CCPG1: variants seen among roughly 807,000 people sequenced by gnomAD.
CCPG1 encodes cell cycle progression protein 1.
CCPG1 carries 46 observed loss-of-function variants against 81.3 expected under a neutral mutation model. The observed-to-expected ratio is 0.57, with a 90% CI of 0.45 to 0.72. The LOEUF is 0.72. Ranked by LOEUF, CCPG1 falls within the 30% of genes least tolerant of loss-of-function variation. CCPG1 has a pLI of 0.00. For missense variants in CCPG1, 902 were observed against 937.6 expected (o/e 0.96, Z 0.50); for synonymous variants, 330 against 305.2 (o/e 1.08, Z -0.85).
chr15:55,360,618 TTC>T lies in CCPG1; in HGVS notation c.1153_1154del (p.Glu385ThrfsTer21). ...TAGTTACTAGTCGTTCTCTCTCCAGTTCTCTCTTTAGCATCTTTGCTTCTGTC... is the reference window on the plus strand; with the variant it reads ...TAGTTACTAGTCGTTCTCTCTCCAGTTCTCTTTAGCATCTTTGCTTCTGTC... ...LLTEAKMLKR[E>X]LERERLVTTA... On this transcript the variant is annotated frameshift_variant, in exon 8 of 9. Coordinates refer to ENST00000442196, the MANE Select transcript of CCPG1 (RefSeq NM_001204450.2). LOFTEE classifies it high-confidence loss of function. 6.2e-7 allele frequency: 1 copy of T among 1,614,126 alleles called. No individual in the cohort carries two copies. The highest frequency in any genetic ancestry group is 8.5e-7 in the Non-Finnish European group (1 of 1,180,012).
At chr15:55,396,798 G>C (rs945974474) in intron 1 of CCPG1, among the ~76,000 whole-genome samples, 3 of 152,190 alleles carry the variant, frequency 2.0e-5, no homozygotes, top group African/African-American at 7.2e-5. Flanking sequence ...CAGTTAACTG[G>C]AGGAAGAGCA....
intron 1 of CCPG1, among the ~76,000 whole-genome samples, chr15:55,391,837 T>G (rs2056919658): frequency 8.0e-6 from 1 of 125,060 alleles, no homozygotes; most frequent in Non-Finnish European, 1.6e-5. Flanking sequence ...GCCATTGCAC[T>G]CCAGACTGGG....
chr15:55,363,508 T>C (rs939482041), intron 7 of CCPG1, among the ~76,000 whole-genome samples: 3 of 150,490 alleles, frequency 2.0e-5, no homozygotes, highest in Non-Finnish European at 3.0e-5. Context: ...CTAATACAGG[T>C]AGGAAAAACT....
chr15:55,369,172 G>A (rs1256917658), intron 6 of CCPG1, among the ~76,000 whole-genome samples: 1 of 151,620 alleles, frequency 6.6e-6, no homozygotes, highest in Non-Finnish European at 1.5e-5. Flanking sequence ...CGACTTTACG[G>A]TGAATAGAAA....
chr15:55,357,017 TCCCCA>T lies in CCPG1; in HGVS notation c.2235-613_2235-609del, dbSNP rs1271760489. On this transcript the variant is annotated intron_variant, in intron 8 of 8. Coordinates refer to ENST00000442196, the MANE Select transcript of CCPG1 (RefSeq NM_001204450.2). ...GGCTTTTGGATTTTCAAGGTACCAC[TCCCCA>T]CTCCTGTCCTTAGCCTTCCCTACAA... The T allele has an allele frequency of 3.3e-4, 325 of 985,474 alleles. 6 individuals carry two copies. In the Admixed American group the frequency reaches 0.019, roughly 58 times the overall value. 61.0% of individuals were successfully genotyped at this position (985,474 alleles called of 1,614,324 possible). A position where few individuals can be genotyped will look rare whatever the true frequency, so the allele number is the denominator to read the frequency against.
chr15:55,366,485 G>A (rs1007375181), intron 6 of CCPG1, among the ~76,000 whole-genome samples: 1 of 151,956 alleles, frequency 6.6e-6, no homozygotes, highest in Admixed American at 6.6e-5. Flanking sequence ...AGTGATAAAA[G>A]AATTGGACAG....
At chr15:55,377,522 G>C (rs1173442900) in intron 4 of CCPG1, among the ~76,000 whole-genome samples, 2 of 152,208 alleles carry the variant, frequency 1.3e-5, no homozygotes, top group Non-Finnish European at 2.9e-5. Flanking sequence ...GAACTTTTTA[G>C]GTTATGTACG....
At chr15:55,379,547 G>A (rs1481646997) in intron 3 of CCPG1, among the ~76,000 whole-genome samples, 5 of 151,832 alleles carry the variant, frequency 3.3e-5, no homozygotes, top group African/African-American at 7.3e-5. Flanking sequence ...CAGAGAGAGG[G>A]CAGTCCAGGC....
At chr15:55,369,813 T>G (rs988336319) in intron 6 of CCPG1, among the ~76,000 whole-genome samples, 7 of 152,166 alleles carry the variant, frequency 4.6e-5, no homozygotes, top group African/African-American at 1.2e-4. Flanking sequence ...CTACAAAATA[T>G]TCAAAGGTCA....
intron 6 of CCPG1, among the ~76,000 whole-genome samples, chr15:55,371,183 C>T (rs564969864): frequency 6.6e-6 from 1 of 152,272 alleles, no homozygotes; most frequent in South Asian, 2.1e-4. Flanking sequence ...AATAGAATAC[C>T]TTCCTCTTCT....
rs930221296 is a variant in CCPG1 at position 55,366,308 on chromosome 15, A to T, written c.707-999T>A. On this transcript the variant is annotated intron_variant, in intron 6 of 8. Coordinates refer to ENST00000442196, the MANE Select transcript of CCPG1 (RefSeq NM_001204450.2). ...CGTAAGTCAATAAGGAAAAATGAAA[A>T]TTTTTTTTTTTTTTAATATTTTGCC... is the stretch of plus-strand genomic sequence containing the variant. 6.8e-5 allele frequency among the ~76,000 whole-genome samples: 10 copies of T among 147,896 alleles called. No homozygotes were observed. In the East Asian group the frequency reaches 7.9e-4, roughly 12 times the overall value.
intron 1 of CCPG1, among the ~76,000 whole-genome samples, chr15:55,399,417 C>CAAAAAAAAAAAAAAAA (rs56191750): frequency 7.9e-5 from 5 of 63,114 alleles, no homozygotes; most frequent in African/African-American, 2.4e-4. Context: ...ACTAAAAATA[C>CAAAAAAAAAAAAAAAA]AAAAAAAAAA....
intron 6 of CCPG1, among the ~76,000 whole-genome samples, chr15:55,369,963 T>C (rs576114618): frequency 6.6e-6 from 1 of 152,282 alleles, no homozygotes; most frequent in Non-Finnish European, 1.5e-5. Context: ...AAAATCATAC[T>C]CAAATACTTA....
chr15:55,398,835 C>A (rs2057072460), intron 1 of CCPG1, among the ~76,000 whole-genome samples: 1 of 152,148 alleles, frequency 6.6e-6, no homozygotes, highest in Non-Finnish European at 1.5e-5. Flanking sequence ...CTGCCTTGGC[C>A]TCCCAAAGTG....
intron 1 of CCPG1, among the ~76,000 whole-genome samples, chr15:55,400,396 T>TACGA (rs756479017): frequency 4.3e-4 from 65 of 151,636 alleles, no homozygotes; most frequent in Non-Finnish European, 8.7e-4. Flanking sequence ...TAATCCCAGC[T>TACGA]ACTTGGGAGG....
chr15:55,384,702 T>C (rs1419219815), intron 3 of CCPG1, among the ~76,000 whole-genome samples: 1 of 152,064 alleles, frequency 6.6e-6, no homozygotes, highest in Admixed American at 6.6e-5. Flanking sequence ...ATTATAATTA[T>C]AAAAATGAGA....
intron 1 of CCPG1, among the ~76,000 whole-genome samples, chr15:55,399,297 C>A (rs946365410): frequency 1.5e-4 from 22 of 151,190 alleles, no homozygotes; most frequent in Non-Finnish European, 1.2e-4. Context: ...AGATTTAGTT[C>A]TATGGATGAA....
In CCPG1 at chr15:55,358,400, C is replaced by T. The variant is rs922384547; in HGVS notation, c.2234+1139G>A. 8.6e-5 allele frequency: 85 copies of T among 985,394 alleles called. No individual in the cohort carries two copies. In the African/African-American group the frequency reaches 1.2e-3, roughly 14 times the overall value. 61.0% of individuals were successfully genotyped at this position (985,394 alleles called of 1,614,324 possible). A position where few individuals can be genotyped will look rare whatever the true frequency, so the allele number is the denominator to read the frequency against. On this transcript the variant is annotated intron_variant, in intron 8 of 8. Coordinates refer to ENST00000442196, the MANE Select transcript of CCPG1 (RefSeq NM_001204450.2). ...AAATACAATATAATCTTATCCCACC[C>T]GCCTTGAAAATTCTTCAGAAGTTCT...
rs2056074754 is a variant in CCPG1 at position 55,356,215 on chromosome 15, G to A, written c.*5C>T. The A allele has an allele frequency of 6.6e-7, 1 of 1,523,718 alleles. No homozygotes were observed. 94.4% of individuals were successfully genotyped at this position (1,523,718 alleles called of 1,614,324 possible). A position where few individuals can be genotyped will look rare whatever the true frequency, so the allele number is the denominator to read the frequency against. On this transcript the variant is annotated 3_prime_UTR_variant, in exon 9 of 9. Coordinates refer to ENST00000442196, the MANE Select transcript of CCPG1 (RefSeq NM_001204450.2). ...TACAGTTGTCTAATTTAACTCAATT[G>A]TGAATCAGTATTGAGGATCAAAAGG...
Sources: allele counts gnomAD v4.1 joint callset (sites outside exome capture counted in the v4.1 genomes callset), GRCh38; gene constraint gnomAD v4.1.1; transcripts MANE v1.5; gene names NCBI Gene and HGNC (gene_info 2026-07-23, HGNC 2026-07-21).